Variants in SV2B observed in about 807,000 individuals in gnomAD.
SV2B encodes the protein synaptic vesicle glycoprotein 2B, also known as solute carrier family 22 member B2.
SV2B carries 41 observed loss-of-function variants against 73.9 expected under a neutral mutation model. The observed-to-expected ratio is 0.56, with a 90% confidence interval of 0.43 to 0.72. The LOEUF is 0.72. SV2B is among the 30% of genes least tolerant of loss of function. SV2B has a pLI of 0.00. For synonymous variants in SV2B, 314 were observed against 314.2 expected, an observed-to-expected ratio of 1.00 and a Z score of 0.01; for missense variants, 764 against 857.8, an observed-to-expected ratio of 0.89 and a Z score of 1.37.
intron 1 of SV2B, among the ~76,000 whole-genome samples, chr15:91,109,438 TG>T (rs1268041384): frequency 6.6e-6 from 1 of 152,188 alleles, no homozygotes; most frequent in Non-Finnish European, 1.5e-5. Context: ...CACCTAGGTG[TG>T]ATAGGTGTGA....
chr15:91,281,845 C>T lies in SV2B; in HGVS notation c.1491C>T (p.Thr497=), dbSNP rs142827685. The change falls in exon 10 of 13, where the codon ACC becomes ACT. Residue 497 remains threonine, a synonymous_variant. Transcript: ENST00000394232. The surrounding 1 kb of genome is among the most constrained non-coding windows in gnomAD (Gnocchi z 4.7). ...TCAAAAATTGTACCATTGAATCAAC[C>T]ATCTTTTACAACACAGGTAGGTAAG... ...TYFKNCTIES[T]IFYNTDLYEH... 3.1e-6 allele frequency: 5 copies of T among 1,611,512 alleles called. No individual in the cohort carries two copies. The highest frequency in any genetic ancestry group is 4.2e-6 in the Non-Finnish European group (5 of 1,178,716).
chr15:91,174,481 A>AG (rs1462701184), intron 1 of SV2B, among the ~76,000 whole-genome samples: 1 of 121,798 alleles, frequency 8.2e-6, no homozygotes, highest in Non-Finnish European at 1.7e-5. Flanking sequence ...TTGTTTAGGG[A>AG]GAAAAAAAAA....
At chr15:91,192,185 C>G (rs1002743486) in intron 1 of SV2B, among the ~76,000 whole-genome samples, 1 of 152,144 alleles carries the variant, frequency 6.6e-6, no homozygotes, top group Non-Finnish European at 1.5e-5. Context: ...CCATGCCTAG[C>G]AGGAAGGAAT....
At chr15:91,151,545 T>G (rs2043313320) in intron 1 of SV2B, among the ~76,000 whole-genome samples, 1 of 152,206 alleles carries the variant, frequency 6.6e-6, no homozygotes, top group African/African-American at 2.4e-5. Flanking sequence ...CCATTGGACA[T>G]CTCACCAAAC....
chr15:91,275,676 A>G (rs2048461580), intron 9 of SV2B, among the ~76,000 whole-genome samples: 1 of 152,116 alleles, frequency 6.6e-6, no homozygotes, highest in Non-Finnish European at 1.5e-5. Context: ...AATACAAAAA[A>G]TTAGTCAGGC....
In SV2B at chr15:91,292,656, G is replaced by C; in HGVS notation, c.*104G>C. 7.2e-7 allele frequency: 1 copy of C among 1,380,526 alleles called. No homozygotes were observed. Among genetic ancestry groups the C allele is most frequent in the Non-Finnish European group, 9.7e-7 (1 of 1,032,084 alleles). The allele number at this position is 1,380,526 out of a possible 1,614,324, so 85.5% of individuals were successfully genotyped here. On this transcript the variant is annotated 3_prime_UTR_variant, in exon 13 of 13. Transcript: ENST00000394232. ...GTCCGGAGGACACCTTGGATAGCAC[G>C]GGAGGAGAAGTTGACTTTGTGACCC...
rs1436280243 is a variant in SV2B, at chr15:91,243,936, C to T, written c.452-7883C>T. Among the ~76,000 whole-genome samples the T allele has an allele frequency of 3.9e-5, 6 of 152,078 alleles. No homozygotes were observed. In the East Asian group the frequency reaches 1.2e-3, roughly 29 times the overall value. ...CTGTGGCTCGCCCTGAGCTGAGGGG[C>T]CAGGGCAAGTGAGAATGTTGCATCC... On this transcript the variant is annotated intron_variant, in intron 2 of 12. Coordinates refer to ENST00000394232, the MANE Select transcript of SV2B (RefSeq NM_001323032.3).
intron 1 of SV2B, among the ~76,000 whole-genome samples, chr15:91,176,017 C>G (rs937412927): frequency 1.3e-5 from 2 of 151,810 alleles, no homozygotes; most frequent in African/African-American, 4.8e-5. Flanking sequence ...TTAGGTATAT[C>G]TCCTAATGCT....
chr15:91,215,392 G>C (rs533857720), intron 1 of SV2B, among the ~76,000 whole-genome samples: 1 of 152,154 alleles, frequency 6.6e-6, no homozygotes, highest in Non-Finnish European at 1.5e-5. Context: ...GGAGCCAGGC[G>C]TCTGCATTTA....
chr15:91,262,390 C>T (rs536909991), intron 6 of SV2B, among the ~76,000 whole-genome samples: 1 of 152,254 alleles, frequency 6.6e-6, no homozygotes, highest in African/African-American at 2.4e-5. Context: ...GAAAATTCCT[C>T]AATGGGATAT....
At chr15:91,216,767 ATT>A (rs111561041) in intron 1 of SV2B, among the ~76,000 whole-genome samples, 3 of 138,478 alleles carry the variant, frequency 2.2e-5, no homozygotes, top group Admixed American at 7.4e-5. Context: ...TTTAACTTGT[ATT>A]TTTTTTTTTT....
Position 91,120,160 on chromosome 15 carries a change from T to C in SV2B, c.-392+19797T>C, listed in dbSNP as rs560825362. Among the ~76,000 whole-genome samples the C allele has an allele frequency of 2.3e-4, 35 of 152,308 alleles. No homozygotes were observed. The East Asian group carries it at 4.4e-3, about 19-fold the overall frequency. Reference sequence around the variant, plus strand: ...AGACTACCTGAGACTGGGAAATTTATGAAGAAAAGAGGTTTAATTGACTCA... The same window carrying C: ...AGACTACCTGAGACTGGGAAATTTACGAAGAAAAGAGGTTTAATTGACTCA... On this transcript the variant is annotated intron_variant, in intron 1 of 12. Coordinates refer to ENST00000394232, the MANE Select transcript of SV2B (RefSeq NM_001323032.3).
At chr15:91,279,815 G>A (rs373910339) in intron 9 of SV2B, among the ~76,000 whole-genome samples, 40 of 152,304 alleles carry the variant, frequency 2.6e-4, no homozygotes, top group African/African-American at 5.8e-4. Context: ...AAGTAAACAC[G>A]TCTAGCTTAT....
intron 1 of SV2B, among the ~76,000 whole-genome samples, chr15:91,126,095 A>T (rs2042474183): frequency 6.6e-6 from 1 of 152,176 alleles, no homozygotes; most frequent in South Asian, 2.1e-4. Flanking sequence ...GCAAAGAAAA[A>T]GGAGCCTCTC....
chr15:91,192,093 A>G (rs947522990), intron 1 of SV2B, among the ~76,000 whole-genome samples: 3 of 152,108 alleles, frequency 2.0e-5, no homozygotes, highest in Admixed American at 1.3e-4. Context: ...ATTGATCTTT[A>G]GTTCTAGGAT....
At chr15:91,176,560 C>T (rs1193890223) in intron 1 of SV2B, among the ~76,000 whole-genome samples, 9 of 152,116 alleles carry the variant, frequency 5.9e-5, no homozygotes, top group African/African-American at 2.2e-4. Context: ...CTGTTGTTTC[C>T]TGACTTTTTA....
chr15:91,218,296 G>A (rs866541038), intron 1 of SV2B, among the ~76,000 whole-genome samples: 1 of 152,190 alleles, frequency 6.6e-6, no homozygotes, highest in Admixed American at 6.5e-5. Flanking sequence ...TGTGTCTTCA[G>A]AGATAAGGAT....
rs568350813 is a variant in SV2B at position 91,286,432 on chromosome 15, A to G, written c.1708+2211A>G. ...TGATTAGGCTGCTACCCACTCATTT[A>G]TTCATCCAATAACATTTATTTATGC... On this transcript the variant is annotated intron_variant, in intron 11 of 12. Transcript: ENST00000394232. 2.6e-4 allele frequency among the ~76,000 whole-genome samples: 39 copies of G among 152,240 alleles called. 1 individual carries two copies. Among genetic ancestry groups the G allele is most frequent in the African/African-American group, 7.9e-4 (33 of 41,516 alleles).
intron 1 of SV2B, among the ~76,000 whole-genome samples, chr15:91,153,996 T>C (rs1453092773): frequency 6.6e-6 from 1 of 151,940 alleles, no homozygotes; most frequent in East Asian, 1.9e-4. Flanking sequence ...AAGAGACAGT[T>C]ATAGGGCCAC....
Sources: allele counts gnomAD v4.1 joint callset (sites outside exome capture counted in the v4.1 genomes callset), GRCh38; gene constraint gnomAD v4.1.1; non-coding constraint Gnocchi (gnomAD v3.1); transcripts MANE v1.5; gene names NCBI Gene and HGNC (gene_info 2026-07-23, HGNC 2026-07-21).